GATA3: variants seen among roughly 807,000 people sequenced by gnomAD.
GATA3 encodes trans-acting T-cell-specific transcription factor GATA-3.
A neutral mutation model predicts 36.0 loss-of-function variants in GATA3; 6 were observed. The ratio of observed to expected loss-of-function variants is 0.17; its 90% CI spans 0.09 to 0.33. The LOEUF is 0.33. Ranked by LOEUF, GATA3 falls within the 10% of genes least tolerant of loss-of-function variation. The pLI, the probability that GATA3 is intolerant of heterozygous loss-of-function variation, is 1.00. For synonymous variants in GATA3, 326 were observed against 273.0 expected, an observed-to-expected ratio of 1.19 and a Z score of -1.92; for missense variants, 514 against 610.1, an observed-to-expected ratio of 0.84 and a Z score of 1.66.
In GATA3 at chr10:8,074,031, C is replaced by T. The variant is rs2131523342; in HGVS notation, c.*8C>T. The T allele has an allele frequency of 6.2e-7, 1 of 1,613,734 alleles. No individual in the cohort carries two copies. Among genetic ancestry groups the T allele is most frequent in the South Asian group, 1.1e-5 (1 of 91,070 alleles). On this transcript the variant is annotated 3_prime_UTR_variant, in exon 6 of 6. Transcript: ENST00000379328. ...GTCACCGCCATGGGTTAGAGCCCTG[C>T]TCGATGCTCACAGGGCCCCCAGCGA...
chr10:8,046,648 A>AGTGT (rs55947422), intron 1 of GATA3, among the ~76,000 whole-genome samples: 9,656 of 137,624 alleles, frequency 0.07, 391 homozygotes, highest in Non-Finnish European at 0.092. Flanking sequence ...AATGGCTGGC[A>AGTGT]GTGTGTGTGT....
chr10:8,058,212 T>C (rs1832675544), intron 2 of GATA3, 93 bp from the exon 3 acceptor site: 2 of 1,406,282 alleles, frequency 1.4e-6, no homozygotes, highest in Middle Eastern at 2.3e-4. Context: ...AGGAGGCCGA[T>C]GCGAGGTAGA....
chr10:8,075,041 G>A lies in GATA3; in HGVS notation c.*1018G>A, dbSNP rs1002378642. On this transcript the variant is annotated 3_prime_UTR_variant, in exon 6 of 6. Transcript: ENST00000379328. ...GGGTAGCAGTGTATGAGCTACCAGC[G>A]TGCATGTCAGCGACCCTGGCCCGAC... 3.9e-5 allele frequency: 9 copies of A among 233,120 alleles called. No individual in the cohort carries two copies. The highest frequency in any genetic ancestry group is 5.6e-5 in the Admixed American group (1 of 17,784). 14.4% of individuals were successfully genotyped at this position (233,120 alleles called of 1,614,324 possible).
chr10:8,069,154 T>G (rs1369854071), intron 4 of GATA3, among the ~76,000 whole-genome samples: 1 of 152,110 alleles, frequency 6.6e-6, no homozygotes, highest in Non-Finnish European at 1.5e-5. Context: ...ATTAACCCTC[T>G]GGTGTACTTT....
intron 3 of GATA3, among the ~76,000 whole-genome samples, chr10:8,059,423 C>G (rs937084887): frequency 6.6e-6 from 1 of 152,200 alleles, no homozygotes; most frequent in African/African-American, 2.4e-5. Flanking sequence ...GGGCTCTCAG[C>G]TGAACTGGGA....
intron 4 of GATA3, among the ~76,000 whole-genome samples, chr10:8,068,930 A>T (rs1215474334): frequency 6.6e-6 from 1 of 152,050 alleles, no homozygotes; most frequent in East Asian, 1.9e-4. Context: ...ATAACTCAGC[A>T]TTTCTTTATT....
At chr10:8,052,306 G>A (rs1281993033), upstream of GATA3, 1 of 151,916 alleles carries the variant, frequency 6.6e-6, no homozygotes, top group Non-Finnish European at 1.5e-5. Flanking sequence ...CGGCCAGTCC[G>A]ACTTGGTGCT....
rs753911994 is a variant in GATA3 at position 8,073,765 on chromosome 10, G to A, written c.1077G>A (p.Lys359=). 10 of 1,613,250 alleles carry A rather than the reference G, an allele frequency of 6.2e-6. No homozygotes were observed. The highest frequency in any genetic ancestry group is 5.9e-6 in the Non-Finnish European group (7 of 1,179,810). ...HNINRPLTMK[K]EGIQTRNRKM... is the part of the protein sequence containing the mutation. ...TTAACAGACCCCTGACTATGAAGAAGGAAGGCATCCAGACCAGAAACCGAA... is the reference window on the plus strand; with the variant it reads ...TTAACAGACCCCTGACTATGAAGAAAGAAGGCATCCAGACCAGAAACCGAA... Residue 359 remains lysine, a synonymous_variant, in exon 6 of 6, where the codon AAG becomes AAA. Transcript: ENST00000379328.
chr10:8,074,763 A>G lies in GATA3; in HGVS notation c.*740A>G, dbSNP rs1832988307. Reference sequence around the variant, plus strand: ...ATGTAGATTTATTTCATCATATTATACAGACCGAACTGTTGTATAAATTTA... The same window carrying G: ...ATGTAGATTTATTTCATCATATTATGCAGACCGAACTGTTGTATAAATTTA... On this transcript the variant is annotated 3_prime_UTR_variant, in exon 6 of 6. Coordinates refer to ENST00000379328, the MANE Select transcript of GATA3 (RefSeq NM_001002295.2). The G allele has an allele frequency of 4.3e-6, 1 of 233,766 alleles. No individual in the cohort carries two copies. The highest frequency in any genetic ancestry group is 6.0e-5 in the East Asian group (1 of 16,582). The allele number at this position is 233,766 out of a possible 1,614,324, so 14.5% of individuals were successfully genotyped here.
upstream of GATA3, chr10:8,050,793 G>A (rs754376482): frequency 1.3e-4 from 52 of 386,676 alleles, no homozygotes; most frequent in Admixed American, 2.9e-4. Context: ...AAGTCTTTAA[G>A]TAAACACGCT....
chr10:8,046,349 G>T (rs1832386630), intron 1 of GATA3, among the ~76,000 whole-genome samples: 1 of 152,196 alleles, frequency 6.6e-6, no homozygotes, highest in African/African-American at 2.4e-5. Flanking sequence ...AAGTGACACC[G>T]GTGATTCTGG....
chr10:8,072,818 AC>A (rs1374920143), intron 5 of GATA3, among the ~76,000 whole-genome samples: 1 of 152,176 alleles, frequency 6.6e-6, no homozygotes, highest in East Asian at 1.9e-4. Flanking sequence ...AGCACTTGCA[AC>A]CATTGCAGCT....
upstream of GATA3, chr10:8,052,567 C>A (rs1192362461): frequency 2.0e-5 from 3 of 152,230 alleles, no homozygotes; most frequent in African/African-American, 7.2e-5. Flanking sequence ...GTGAGCTGGG[C>A]TCACGCTGCG....
upstream of GATA3, among the ~76,000 whole-genome samples, chr10:8,050,261 A>G (rs576487596): frequency 6.6e-6 from 1 of 152,270 alleles, no homozygotes; most frequent in Admixed American, 6.5e-5. Flanking sequence ...TTGCTCCAAC[A>G]ATGGCCTCTA....
At chr10:8,053,258 G>A (rs1016991962), upstream of GATA3, 3 of 152,124 alleles carry the variant, frequency 2.0e-5, no homozygotes, top group Admixed American at 2.0e-4. This position sits in a 1 kb window ranked among gnomAD's most constrained non-coding sequence, Gnocchi z 5.1. Context: ...GAGCGAAGAG[G>A]GAACAATGTC....
chr10:8,051,470 G>C (rs1832491004), upstream of GATA3: 1 of 173,750 alleles, frequency 5.8e-6, no homozygotes, highest in Non-Finnish European at 1.2e-5. Flanking sequence ...CCCTTACCCT[G>C]GTGAGGGAGG....
At chr10:8,057,582 T>A (rs934541041) in intron 2 of GATA3, among the ~76,000 whole-genome samples, 3 of 152,036 alleles carry the variant, frequency 2.0e-5, no homozygotes, top group Non-Finnish European at 4.4e-5. Flanking sequence ...AAAATGGCCA[T>A]CCCAGGGTCC....
At chr10:8,048,489 C>G (rs1832418906) in intron 1 of GATA3, among the ~76,000 whole-genome samples, 1 of 152,164 alleles carries the variant, frequency 6.6e-6, no homozygotes, top group Non-Finnish European at 1.5e-5. Flanking sequence ...CTAGAAGTAG[C>G]AAGCCCCTGG....
At chr10:8,049,153 G>A (rs1287600835), upstream of GATA3, among the ~76,000 whole-genome samples, 1 of 146,048 alleles carries the variant, frequency 6.8e-6, no homozygotes, top group South Asian at 2.1e-4. Flanking sequence ...AAGAAAAAAG[G>A]GTAAATCAAA....
Sources: gnomAD v4.1 joint callset for allele counts (sites outside exome capture counted in the v4.1 genomes callset) on GRCh38, gnomAD v4.1.1 for gene constraint, Gnocchi (gnomAD v3.1) non-coding constraint, MANE v1.5 for transcripts, NCBI Gene and HGNC (gene_info 2026-07-23, HGNC 2026-07-21) for gene names.